The following STK33 variants were observed in gnomAD, a reference collection of about 807,000 sequenced individuals.
STK33 encodes serine/threonine kinase 33.
In STK33, 52 loss-of-function variants were observed where a neutral mutation model predicts 58.0. The observed-to-expected ratio is 0.90, with a 90% CI of 0.72 to 1.13. The LOEUF (loss-of-function observed/expected upper bound fraction) is 1.13. Ranked by LOEUF, STK33 falls within the 50% of genes most tolerant of loss-of-function variation. The pLI is 0.00. For synonymous variants in STK33, 215 were observed against 200.1 expected (o/e 1.07, Z -0.63); for missense variants, 630 against 604.2 (o/e 1.04, Z -0.45).
chr11:8,518,326 G>C (rs1953018579), intron 1 of STK33, among the ~76,000 whole-genome samples: 1 of 152,138 alleles, frequency 6.6e-6, no homozygotes, highest in Non-Finnish European at 1.5e-5. Flanking sequence ...TGCCTTACAA[G>C]AGCTCCCGAA....
At chr11:8,591,647 G>A (rs978355098) in intron 1 of STK33, among the ~76,000 whole-genome samples, 2 of 152,122 alleles carry the variant, frequency 1.3e-5, no homozygotes, top group Admixed American at 1.3e-4. Context: ...AAAAGAGGTT[G>A]CAGCTTCTCT....
At chr11:8,509,062 G>C (rs1952097066) in intron 1 of STK33, among the ~76,000 whole-genome samples, 2 of 141,828 alleles carry the variant, frequency 1.4e-5, no homozygotes, top group African/African-American at 5.3e-5. Context: ...GTTTTGGTGA[G>C]CCAAGGTCGT....
In STK33 at chr11:8,538,612, T is replaced by C. The variant is rs557828421; in HGVS notation, c.-466+55471A>G. On this transcript the variant is annotated intron_variant, in intron 1 of 15. Coordinates refer to ENST00000687296, the MANE Select transcript of STK33 (RefSeq NM_001352389.2). ...ACTAACTAAAGAAAAAAGCCAGTAG[T>C]AGGCATATTTTTAGAAAAACAAAAG... 1.3e-4 allele frequency among the ~76,000 whole-genome samples: 20 copies of C among 152,322 alleles called. No homozygotes were observed. The South Asian group carries it at 4.1e-3, about 32-fold the overall frequency.
intron 1 of STK33, among the ~76,000 whole-genome samples, chr11:8,520,502 G>A (rs912547334): frequency 2.6e-5 from 4 of 152,134 alleles, no homozygotes; most frequent in African/African-American, 7.2e-5. Context: ...AGGGCAATCA[G>A]GCAGGAGAAG....
rs1188729379 is a variant in STK33, at chr11:8,440,733, G to A, written c.892C>T (p.His298Tyr). 3.8e-6 allele frequency: 6 copies of A among 1,568,842 alleles called. No homozygotes were observed. Among genetic ancestry groups the A allele is most frequent in the Non-Finnish European group, 5.2e-6 (6 of 1,154,826 alleles). Residue 298 changes from histidine (H) to tyrosine (Y), a missense_variant, in exon 12 of 16, where the codon CAC becomes TAC. Physicochemically the swap from His to Tyr is moderately conservative, Grantham distance 83 (BLOSUM62 2). Coordinates refer to ENST00000687296, the MANE Select transcript of STK33 (RefSeq NM_001352389.2). ...IYMAPEVISA[H>Y]DYSQQCDIWS... ...ATGTCACACTGCTGGCTATAGTCGT[G>A]GGCACTGATAACTTCAGGGGCTGCC...
At chr11:8,536,035 G>T (rs1302587556) in intron 1 of STK33, among the ~76,000 whole-genome samples, 3 of 152,154 alleles carry the variant, frequency 2.0e-5, no homozygotes, top group Non-Finnish European at 4.4e-5. Flanking sequence ...ACTTACATGT[G>T]GGGGCTAAAA....
rs182703473 is a variant in STK33 at position 8,396,861 on chromosome 11, A to C, written c.1345-4151T>G. ...GTCCTACACCCATGGAGCCTCGCTCATTGCTAGCACAGCAGTCTGAGATCA... is the reference window on the plus strand; with the variant it reads ...GTCCTACACCCATGGAGCCTCGCTCCTTGCTAGCACAGCAGTCTGAGATCA... On this transcript the variant is annotated intron_variant, in intron 15 of 15. Coordinates refer to ENST00000687296, the MANE Select transcript of STK33 (RefSeq NM_001352389.2). 1.6e-3 allele frequency among the ~76,000 whole-genome samples: 243 copies of C among 152,260 alleles called. 4 individuals are homozygous for C. In the East Asian group the frequency reaches 0.035, roughly 22 times the overall value.
At chr11:8,592,475 T>C (rs886654039) in intron 1 of STK33, among the ~76,000 whole-genome samples, 1 of 152,198 alleles carries the variant, frequency 6.6e-6, no homozygotes, top group Non-Finnish European at 1.5e-5. Context: ...AATGCTAATA[T>C]GGGTGTCATA....
intron 1 of STK33, among the ~76,000 whole-genome samples, chr11:8,575,008 G>A (rs1458554507): frequency 6.6e-6 from 1 of 152,082 alleles, no homozygotes; most frequent in Non-Finnish European, 1.5e-5. Context: ...TTGCGCAACT[G>A]CACTCCAGTC....
intron 11 of STK33, among the ~76,000 whole-genome samples, chr11:8,442,556 C>T (rs550675850): frequency 2.0e-5 from 3 of 152,312 alleles, no homozygotes; most frequent in East Asian, 3.9e-4. Flanking sequence ...AACCATCTGT[C>T]TTCTCTCTTG....
rs770230238 is a variant in STK33 at position 8,473,217 on chromosome 11, G to A, written c.285C>T (p.Asn95=). ...TGTGAGGAACTTTTCCTTCTGTAAA[G>A]TTGCCCCGACCCCATTGTTGCTGAG... is the stretch of plus-strand genomic sequence containing the variant. The part of the protein sequence containing the change: ...KASQQQWGRG[N]FTEGKVPHIR... The change falls in exon 6 of 16, where the codon AAC becomes AAT. Residue 95 remains asparagine, a synonymous_variant. Coordinates refer to ENST00000687296, the MANE Select transcript of STK33 (RefSeq NM_001352389.2). 1.2e-5 allele frequency: 20 copies of A among 1,612,642 alleles called. No individual in the cohort carries two copies. The highest frequency in any genetic ancestry group is 1.7e-5 in the Non-Finnish European group (20 of 1,179,640).
chr11:8,468,576 C>A (rs906088599), intron 6 of STK33, among the ~76,000 whole-genome samples: 2 of 152,072 alleles, frequency 1.3e-5, no homozygotes, highest in Non-Finnish European at 2.9e-5. Context: ...AATATTATTG[C>A]TTTTTTGTTT....
downstream of STK33, among the ~76,000 whole-genome samples, chr11:8,390,202 G>T (rs554238007): frequency 7.2e-5 from 11 of 151,832 alleles, no homozygotes; most frequent in South Asian, 6.2e-4. Context: ...ATCATATTTT[G>T]CCTGCCTTAT....
intron 10 of STK33, among the ~76,000 whole-genome samples, chr11:8,454,240 C>T (rs1049426215): frequency 6.6e-6 from 1 of 152,104 alleles, no homozygotes; most frequent in Non-Finnish European, 1.5e-5. Context: ...AATAATGTAT[C>T]GTAGCATTTA....
At chr11:8,584,634 G>A (rs751124064) in intron 1 of STK33, among the ~76,000 whole-genome samples, 2 of 152,136 alleles carry the variant, frequency 1.3e-5, no homozygotes, top group African/African-American at 4.8e-5. Flanking sequence ...TGGTTTAGGC[G>A]CCTTCCTCCT....
intron 1 of STK33, among the ~76,000 whole-genome samples, chr11:8,512,401 A>C (rs757416530): frequency 2.0e-5 from 3 of 152,170 alleles, no homozygotes; most frequent in Non-Finnish European, 4.4e-5. Flanking sequence ...AGATAAACGA[A>C]GTATACAAAG....
intron 14 of STK33, among the ~76,000 whole-genome samples, chr11:8,424,036 G>A (rs1353722580): frequency 1.3e-5 from 2 of 151,774 alleles, no homozygotes; most frequent in African/African-American, 2.4e-5. Context: ...TGTGCACATT[G>A]TGCAGGTTTG....
chr11:8,589,140 T>C (rs1034571085), intron 1 of STK33, among the ~76,000 whole-genome samples: 10 of 152,110 alleles, frequency 6.6e-5, no homozygotes, highest in Non-Finnish European at 1.2e-4. Flanking sequence ...AGAGTTACCA[T>C]ACGATCAGCA....
At chr11:8,369,994 GTC>G in the STK33 span, among the ~76,000 whole-genome samples, 5 of 152,220 alleles carry the variant, frequency 3.3e-5, no homozygotes, top group Non-Finnish European at 7.3e-5. Flanking sequence ...TCTGATCTGA[GTC>G]TCTGTCTCAG....
Sources: gnomAD v4.1 joint callset for allele counts (sites outside exome capture counted in the v4.1 genomes callset) on GRCh38, gnomAD v4.1.1 for gene constraint, MANE v1.5 for transcripts, NCBI Gene and HGNC (gene_info 2026-07-23, HGNC 2026-07-21) for gene names.